The following CDH11 variants were observed in gnomAD, a reference collection of about 807,000 sequenced individuals.
CDH11 encodes cadherin-11.
In CDH11, 11 loss-of-function variants were observed where a neutral mutation model predicts 67.8. The ratio of observed to expected loss-of-function variants is 0.16; its 90% CI spans 0.10 to 0.27. The LOEUF (loss-of-function observed/expected upper bound fraction) is 0.27, where lower values mean the gene tolerates loss of function less well. Among genes scored for constraint, CDH11 ranks in the 10% least tolerant of loss-of-function variants. The pLI is 1.00. For missense variants in CDH11, 847 were observed against 1,031.2 expected, an observed-to-expected ratio of 0.82 and a Z score of 2.45; for synonymous variants, 419 against 400.0, an observed-to-expected ratio of 1.05 and a Z score of -0.57.
At chr16:65,074,352 T>C (rs899463993) in intron 1 of CDH11, among the ~76,000 whole-genome samples, 1 of 152,210 alleles carries the variant, frequency 6.6e-6, no homozygotes, top group Non-Finnish European at 1.5e-5. Context: ...GTTCAGAGTT[T>C]TGGATTTAAA....
chr16:65,026,054 T>G (rs1395905864), intron 2 of CDH11, among the ~76,000 whole-genome samples: 1 of 152,162 alleles, frequency 6.6e-6, no homozygotes, highest in East Asian at 1.9e-4. Context: ...CCAGGGTGGA[T>G]GGCATGGGTT....
chr16:65,093,574 T>C (rs1257078102), intron 1 of CDH11, among the ~76,000 whole-genome samples: 3 of 152,216 alleles, frequency 2.0e-5, no homozygotes, highest in Admixed American at 6.5e-5. Context: ...GGAGACATGA[T>C]CCTTCAAACC....
chr16:65,027,292 G>A (rs1185056534), intron 2 of CDH11, among the ~76,000 whole-genome samples: 4 of 152,178 alleles, frequency 2.6e-5, no homozygotes, highest in African/African-American at 9.7e-5. Flanking sequence ...CATTTTTAGA[G>A]CACCATTGTA....
At position 64,945,509 on chromosome 16, in the gene CDH11, A is replaced by G; in HGVS notation, c.*2094T>C. 3 of 1,032,442 alleles carry G rather than the reference A, an allele frequency of 2.9e-6. No individual in the cohort carries two copies. Among genetic ancestry groups the G allele is most frequent in the South Asian group, 4.6e-5 (1 of 21,738 alleles). The allele number at this position is 1,032,442 out of a possible 1,614,324, so 64.0% of individuals were successfully genotyped here. ...TTAAATGCTATTCATATTCCTTTTGAGTTATTTCTTCATTGCAAATTCAAT... is the reference window on the plus strand; with the variant it reads ...TTAAATGCTATTCATATTCCTTTTGGGTTATTTCTTCATTGCAAATTCAAT... On this transcript the variant is annotated 3_prime_UTR_variant, in exon 13 of 13. Transcript: ENST00000268603.
At chr16:65,073,929 C>A (rs1285702544) in intron 1 of CDH11, among the ~76,000 whole-genome samples, 1 of 152,152 alleles carries the variant, frequency 6.6e-6, no homozygotes, top group Admixed American at 6.5e-5. Flanking sequence ...AGAGGGGAAG[C>A]AAACACCTGA....
intron 1 of CDH11, among the ~76,000 whole-genome samples, chr16:65,106,412 T>C (rs2075066596): frequency 6.6e-6 from 1 of 152,224 alleles, no homozygotes; most frequent in South Asian, 2.1e-4. Flanking sequence ...CTTTGCCATC[T>C]TGGTCTTTGC....
chr16:65,018,432 A>C (rs1339202853), intron 2 of CDH11, among the ~76,000 whole-genome samples: 1 of 152,136 alleles, frequency 6.6e-6, no homozygotes, highest in Non-Finnish European at 1.5e-5. Context: ...AAAAAAACAG[A>C]CTCTCACTGC....
chr16:64,948,186 C>G, intron 12 of CDH11, 87 bp from the exon 13 acceptor site: 2 of 1,506,016 alleles, frequency 1.3e-6, no homozygotes, highest in South Asian at 1.3e-5. Context: ...TACCATAAAC[C>G]ATGAGGTATA....
chr16:64,956,649 T>C (rs938665523), intron 11 of CDH11, among the ~76,000 whole-genome samples: 4 of 152,212 alleles, frequency 2.6e-5, no homozygotes, highest in Non-Finnish European at 5.9e-5. Context: ...GGGCCATTAA[T>C]TACCAGAATA....
intron 1 of CDH11, among the ~76,000 whole-genome samples, chr16:65,107,009 C>T (rs1359974490): frequency 6.6e-6 from 1 of 151,740 alleles, no homozygotes; most frequent in African/African-American, 2.4e-5. Context: ...CAGCTGTCTA[C>T]CATGTGATCT....
At chr16:64,974,207 TC>T (rs1325815449) in intron 8 of CDH11, among the ~76,000 whole-genome samples, 12 of 152,208 alleles carry the variant, frequency 7.9e-5, no homozygotes, top group Admixed American at 5.2e-4. Context: ...CCCTTCCCTT[TC>T]CACTCCCTTA....
intron 2 of CDH11, among the ~76,000 whole-genome samples, chr16:65,043,527 C>T (rs1261116475): frequency 6.6e-6 from 1 of 152,164 alleles, no homozygotes; most frequent in Non-Finnish European, 1.5e-5. Context: ...GATGGCCAGA[C>T]TTTTACTGAT....
At chr16:65,000,310 C>G (rs936982014) in intron 3 of CDH11, among the ~76,000 whole-genome samples, 1 of 152,162 alleles carries the variant, frequency 6.6e-6, no homozygotes, top group African/African-American at 2.4e-5. Flanking sequence ...GTTGTTCAAT[C>G]TCAATTTCTG....
At chr16:65,118,980 G>A (rs2075284828) in intron 1 of CDH11, 2 of 152,134 alleles carry the variant, frequency 1.3e-5, no homozygotes, top group Admixed American at 1.3e-4. Context: ...AGAGATCAAA[G>A]TTTACCAACT....
At chr16:65,000,295 G>A (rs963903806) in intron 3 of CDH11, among the ~76,000 whole-genome samples, 10 of 152,114 alleles carry the variant, frequency 6.6e-5, no homozygotes, top group Non-Finnish European at 1.0e-4. Flanking sequence ...TCCTCACCCC[G>A]CCTTGTTGTT....
intron 1 of CDH11, among the ~76,000 whole-genome samples, chr16:65,082,491 C>T (rs1181677738): frequency 6.6e-6 from 1 of 152,186 alleles, no homozygotes; most frequent in Non-Finnish European, 1.5e-5. Context: ...CAGAAGTCCA[C>T]ACTGAAGTCA....
intron 1 of CDH11, among the ~76,000 whole-genome samples, chr16:65,057,124 G>A (rs948018983): frequency 5.3e-5 from 8 of 152,144 alleles, no homozygotes; most frequent in African/African-American, 7.2e-5. Flanking sequence ...ATGGCTGTGC[G>A]GGCTATAGTG....
At chr16:64,974,873 GT>G (rs2072119729) in intron 8 of CDH11, among the ~76,000 whole-genome samples, 1 of 152,194 alleles carries the variant, frequency 6.6e-6, no homozygotes, top group Admixed American at 6.5e-5. Flanking sequence ...TGAGTTTTGG[GT>G]TTTGGAAGTC....
At chr16:64,951,849 T>C (rs2142374049) in intron 11 of CDH11, among the ~76,000 whole-genome samples, 1 of 152,182 alleles carries the variant, frequency 6.6e-6, no homozygotes, top group Admixed American at 6.5e-5. Context: ...TTATGGTTTC[T>C]TTAAAACCCC....
Sources: allele counts gnomAD v4.1 joint callset (sites outside exome capture counted in the v4.1 genomes callset), GRCh38; gene constraint gnomAD v4.1.1; transcripts MANE v1.5; gene names NCBI Gene and HGNC (gene_info 2026-07-23, HGNC 2026-07-21).